ADAM18: variants seen among roughly 807,000 people sequenced by gnomAD.
The protein encoded by ADAM18 is ADAM metallopeptidase domain 18.
Under a neutral mutation model 94.4 loss-of-function variants are expected in ADAM18, and 117 were observed. The ratio of observed to expected loss-of-function variants is 1.24; its 90% CI spans 1.07 to 1.45. The LOEUF (loss-of-function observed/expected upper bound fraction) is 1.45, where lower values mean the gene tolerates loss of function less well. ADAM18 is among the 40% of genes most tolerant of loss of function. ADAM18 has a pLI of 0.00. For missense variants in ADAM18, 936 were observed against 880.0 expected, an observed-to-expected ratio of 1.06 and a Z score of -0.81; for synonymous variants, 327 against 291.6, an observed-to-expected ratio of 1.12 and a Z score of -1.24.
At chr8:39,631,382 G>T (rs939626771) in intron 7 of ADAM18, among the ~76,000 whole-genome samples, 9 of 151,788 alleles carry the variant, frequency 5.9e-5, no homozygotes, top group African/African-American at 1.9e-4. Flanking sequence ...ACGCTGTGAG[G>T]CAGGGTTCTC....
chr8:39,633,052 T>C (rs1819976667), intron 7 of ADAM18, among the ~76,000 whole-genome samples: 1 of 152,186 alleles, frequency 6.6e-6, no homozygotes, highest in Non-Finnish European at 1.5e-5. Context: ...ATTCTGTAGC[T>C]TGCCTTTCTG....
intron 7 of ADAM18, among the ~76,000 whole-genome samples, chr8:39,629,899 C>T (rs1338400210): frequency 6.6e-6 from 1 of 151,934 alleles, no homozygotes; most frequent in African/African-American, 2.4e-5. Flanking sequence ...TCGCTTCCTC[C>T]ACTCCAGCTC....
At chr8:39,663,989 ATTTAGT>A in intron 13 of ADAM18, 99 bp downstream of exon 13, 1 of 775,820 alleles carries the variant, frequency 1.3e-6, no homozygotes, top group South Asian at 1.9e-5. Context: ...TATATAAGGA[ATTTAGT>A]GAAATAAAAT....
Position 39,667,991 on chromosome 8 carries a change from C to A in ADAM18, c.1327-7C>A, listed in dbSNP as rs1821037422. The A allele has an allele frequency of 1.1e-5, 17 of 1,610,514 alleles. No homozygotes were observed. The highest frequency in any genetic ancestry group is 1.4e-5 in the Non-Finnish European group (17 of 1,178,198). ...GAACTTAATTTTATTTTTCCTTTTCCTCCCAGTTGTCAATAGCAGGCACTC... is the reference window on the plus strand; with the variant it reads ...GAACTTAATTTTATTTTTCCTTTTCATCCCAGTTGTCAATAGCAGGCACTC... On this transcript the variant is annotated splice_region_variant and splice_polypyrimidine_tract_variant and intron_variant, in intron 13 of 19. Coordinates refer to ENST00000265707, the MANE Select transcript of ADAM18 (RefSeq NM_014237.3).
chr8:39,585,229 T>C, intron 1 of ADAM18, 47 bp from the exon 2 acceptor site: 5 of 1,501,504 alleles, frequency 3.3e-6, no homozygotes, highest in Non-Finnish European at 4.6e-6. Flanking sequence ...CTGAGACGAT[T>C]GTTGATGCAA....
intron 18 of ADAM18, among the ~76,000 whole-genome samples, chr8:39,714,095 G>A (rs1424365914): frequency 6.6e-6 from 1 of 152,136 alleles, no homozygotes; most frequent in South Asian, 2.1e-4. Context: ...GTACACCATG[G>A]AATACTATGC....
chr8:39,623,306 A>G (rs2129578856), intron 6 of ADAM18, among the ~76,000 whole-genome samples: 1 of 152,328 alleles, frequency 6.6e-6, no homozygotes, highest in African/African-American at 2.4e-5. Flanking sequence ...TGGAGTAAAC[A>G]TATGTGTGCA....
chr8:39,712,885 A>G (rs1822456248), intron 18 of ADAM18, among the ~76,000 whole-genome samples: 1 of 152,242 alleles, frequency 6.6e-6, no homozygotes, highest in South Asian at 2.1e-4. Flanking sequence ...TGTAGATTCA[A>G]TGCCATCCCC....
At chr8:39,649,377 CAT>C (rs1398526348) in intron 12 of ADAM18, among the ~76,000 whole-genome samples, 2 of 148,884 alleles carry the variant, frequency 1.3e-5, no homozygotes, top group African/African-American at 2.4e-5. Context: ...CACACACATA[CAT>C]GTATATATAT....
chr8:39,677,293 T>C, intron 14 of ADAM18, 138 bp from the exon 15 acceptor site: 1 of 608,444 alleles, frequency 1.6e-6, no homozygotes, highest in East Asian at 3.1e-5. Context: ...CTACTTGCAT[T>C]GACAGGGTAT....
rs548625927 is a variant in ADAM18, at chr8:39,623,584, G to GT, written c.523-5783dup. Among the ~76,000 whole-genome samples the GT allele has an allele frequency of 6.6e-5, 10 of 150,838 alleles. 1 individual carries two copies. Among genetic ancestry groups the GT allele is most frequent in the South Asian group, 6.3e-4 (3 of 4,774 alleles). On this transcript the variant is annotated intron_variant, in intron 6 of 19. Transcript: ENST00000265707. ...GGTATCTCATTATAATTTTTTGTTTGTTTTTTTGTTTTTGTTTTTGTTTTT... is the reference window on the plus strand; with the variant it reads ...GGTATCTCATTATAATTTTTTGTTTGTTTTTTTTGTTTTTGTTTTTGTTTTT...
rs955717707 is a variant in ADAM18 at position 39,669,029 on chromosome 8, G to T, written c.1525+833G>T. Among the ~76,000 whole-genome samples the T allele has an allele frequency of 2.0e-5, 3 of 151,690 alleles. No homozygotes were observed. In the East Asian group the frequency reaches 5.8e-4, roughly 29 times the overall value. ...CACAAGTCAGTTCTATTTTCTGTGT[G>T]CTATTTTTCTAGAATGCTACTTTTT... On this transcript the variant is annotated intron_variant, in intron 14 of 19. Coordinates refer to ENST00000265707, the MANE Select transcript of ADAM18 (RefSeq NM_014237.3).
intron 6 of ADAM18, among the ~76,000 whole-genome samples, chr8:39,623,151 A>G (rs1427031770): frequency 2.0e-5 from 3 of 152,192 alleles, no homozygotes; most frequent in East Asian, 3.8e-4. Context: ...ACTTAGAATA[A>G]TGGCCTCCTC....
At chr8:39,660,337 A>T (rs997201088) in intron 12 of ADAM18, among the ~76,000 whole-genome samples, 4 of 152,158 alleles carry the variant, frequency 2.6e-5, no homozygotes, top group Admixed American at 6.5e-5. Flanking sequence ...AGATTAAATT[A>T]TATGCTACAT....
intron 17 of ADAM18, among the ~76,000 whole-genome samples, chr8:39,705,758 A>T (rs1320906690): frequency 6.6e-6 from 1 of 152,188 alleles, no homozygotes; most frequent in African/African-American, 2.4e-5. Context: ...CAATTTAGCA[A>T]AATGAGTATA....
chr8:39,595,172 C>T (rs1276385148), intron 2 of ADAM18, among the ~76,000 whole-genome samples: 2 of 152,068 alleles, frequency 1.3e-5, no homozygotes, highest in African/African-American at 4.8e-5. Context: ...GTATTTTCTC[C>T]CCTAACCCCA....
At chr8:39,594,557 C>G (rs1380750116) in intron 2 of ADAM18, among the ~76,000 whole-genome samples, 1 of 151,890 alleles carries the variant, frequency 6.6e-6, no homozygotes, top group Non-Finnish European at 1.5e-5. Context: ...ATTATCTCTT[C>G]ATTTATGAAG....
chr8:39,703,908 A>G (rs1822156099), intron 17 of ADAM18, among the ~76,000 whole-genome samples: 1 of 152,196 alleles, frequency 6.6e-6, no homozygotes, highest in South Asian at 2.1e-4. Context: ...AGAAATACAA[A>G]CAACCATCAG....
chr8:39,586,776 CT>C (rs1417518579), intron 2 of ADAM18, among the ~76,000 whole-genome samples: 1 of 127,710 alleles, frequency 7.8e-6, no homozygotes, highest in Admixed American at 8.3e-5. Context: ...ATCTATCTAT[CT>C]ATCTATCTAT....
Sources: allele counts gnomAD v4.1 joint callset (sites outside exome capture counted in the v4.1 genomes callset), GRCh38; gene constraint gnomAD v4.1.1; transcripts MANE v1.5; gene names NCBI Gene and HGNC (gene_info 2026-07-23, HGNC 2026-07-21).